The following EXT2 variants were observed in gnomAD, a reference collection of about 807,000 sequenced individuals.
EXT2 encodes exostosin glycosyltransferase 2, also known as exostosin-2.
Under a neutral mutation model 81.6 loss-of-function variants are expected in EXT2, and 53 were observed. The ratio of observed to expected loss-of-function variants is 0.65; its 90% CI spans 0.52 to 0.82. The LOEUF (loss-of-function observed/expected upper bound fraction) is 0.82. Ranked by LOEUF, EXT2 falls within the 40% of genes least tolerant of loss-of-function variation. The pLI, the probability that EXT2 is intolerant of heterozygous loss-of-function variation, is 0.00. For missense variants in EXT2, 774 were observed against 910.2 expected, an observed-to-expected ratio of 0.85 and a Z score of 1.93; for synonymous variants, 320 against 340.0, an observed-to-expected ratio of 0.94 and a Z score of 0.65.
At chr11:44,230,595 G>A (rs191712105) in intron 10 of EXT2, among the ~76,000 whole-genome samples, 1 of 152,154 alleles carries the variant, frequency 6.6e-6, no homozygotes. Context: ...TTGCACAGGG[G>A]GGAAGATGGC....
chr11:44,219,459 A>C (rs1323890841), intron 10 of EXT2, among the ~76,000 whole-genome samples: 1 of 152,112 alleles, frequency 6.6e-6, no homozygotes, highest in African/African-American at 2.4e-5. Context: ...GTGCCACTGC[A>C]CTCCAGCCTG....
chr11:44,249,641 C>T lies in EXT2; in HGVS notation c.*5354C>T, dbSNP rs1956123972. ...GCAAATATATCATTGGCTACTATAC[C>T]CAAGCATCAACTCAAGGAACATTTG... is the stretch of plus-strand genomic sequence containing the variant. On this transcript the variant is annotated 3_prime_UTR_variant, in exon 14 of 14. Transcript: ENST00000533608. Among the ~76,000 whole-genome samples, 1 of 152,160 alleles carries T rather than the reference C, an allele frequency of 6.6e-6. No individual in the cohort carries two copies. The highest frequency in any genetic ancestry group is 6.5e-5 in the Admixed American group (1 of 15,274).
chr11:44,104,989 A>C (rs1954035029), intron 1 of EXT2, among the ~76,000 whole-genome samples: 1 of 152,200 alleles, frequency 6.6e-6, no homozygotes, highest in Non-Finnish European at 1.5e-5. Flanking sequence ...ATGATAGGCA[A>C]ATTCCTTGTT....
chr11:44,163,968 A>G (rs1456287460), intron 7 of EXT2, among the ~76,000 whole-genome samples: 2 of 152,142 alleles, frequency 1.3e-5, no homozygotes, highest in Non-Finnish European at 2.9e-5. Flanking sequence ...TTCTGAGACT[A>G]TAGTTACACT....
At chr11:44,144,426 G>C in intron 7 of EXT2, 2 of 1,127,456 alleles carry the variant, frequency 1.8e-6, no homozygotes, top group Non-Finnish European at 2.6e-6. Context: ...AGTTTTATTG[G>C]TCAGTGGCTC....
chr11:44,134,987 G>A (rs570129202), intron 7 of EXT2, among the ~76,000 whole-genome samples: 9 of 152,342 alleles, frequency 5.9e-5, no homozygotes, highest in Middle Eastern at 3.4e-3. Flanking sequence ...CCATCTCAAT[G>A]TGCCTTCATA....
chr11:44,106,619 AG>A (rs1954058590), intron 1 of EXT2, among the ~76,000 whole-genome samples: 1 of 152,152 alleles, frequency 6.6e-6, no homozygotes, highest in African/African-American at 2.4e-5. Flanking sequence ...TGAATGAATA[AG>A]TGAACGAAAA....
At chr11:44,238,210 T>C (rs1231660353) in intron 13 of EXT2, among the ~76,000 whole-genome samples, 1 of 152,196 alleles carries the variant, frequency 6.6e-6, no homozygotes, top group Non-Finnish European at 1.5e-5. Context: ...TTATTATTAT[T>C]AAGAGAAAGG....
chr11:44,096,993 T>C (rs1953907418), intron 1 of EXT2, among the ~76,000 whole-genome samples: 1 of 152,186 alleles, frequency 6.6e-6, no homozygotes, highest in Non-Finnish European at 1.5e-5. Flanking sequence ...CCTGGTTGCA[T>C]GTGAGGGTAT....
intron 8 of EXT2, among the ~76,000 whole-genome samples, chr11:44,193,375 A>G (rs148297002): frequency 2.8e-3 from 431 of 152,324 alleles, no homozygotes; most frequent in Non-Finnish European, 4.7e-3. Flanking sequence ...ATTGGCTACA[A>G]TTTATTGAAT....
chr11:44,184,018 T>G (rs1323014420), intron 8 of EXT2, among the ~76,000 whole-genome samples: 1 of 152,266 alleles, frequency 6.6e-6, no homozygotes, highest in Non-Finnish European at 1.5e-5. Flanking sequence ...TGAGGTTTTC[T>G]GTGGAAATTC....
intron 7 of EXT2, among the ~76,000 whole-genome samples, chr11:44,149,234 T>C (rs1050276643): frequency 1.3e-5 from 2 of 152,116 alleles, no homozygotes; most frequent in Non-Finnish European, 2.9e-5. Context: ...TGGTGGTGCA[T>C]GCCTGTAGTC....
intron 5 of EXT2, 62 bp from the exon 6 acceptor site, chr11:44,126,754 G>A: frequency 6.2e-7 from 1 of 1,608,586 alleles, no homozygotes; most frequent in Non-Finnish European, 8.5e-7. Flanking sequence ...GGTCTGTAGG[G>A]ATCAAAGTTA....
chr11:44,208,962 GACAA>G (rs761184087), intron 10 of EXT2, among the ~76,000 whole-genome samples: 3 of 152,144 alleles, frequency 2.0e-5, no homozygotes, highest in Admixed American at 6.6e-5. Context: ...TTGACTCTAA[GACAA>G]ACAAATACAT....
chr11:44,247,043 C>T lies in EXT2; in HGVS notation c.*2756C>T, dbSNP rs931414090. Among the ~76,000 whole-genome samples the T allele has an allele frequency of 6.6e-6, 1 of 152,244 alleles. No homozygotes were observed. The highest frequency in any genetic ancestry group is 6.5e-5 in the Admixed American group (1 of 15,284). On this transcript the variant is annotated 3_prime_UTR_variant, in exon 14 of 14. Transcript: ENST00000533608. Reference sequence around the variant, plus strand: ...CAGGGGCCTAACTGGGATGGGCCTGCTTGGAATGCCAGGGCTGGAAATACT... The same window carrying T: ...CAGGGGCCTAACTGGGATGGGCCTGTTTGGAATGCCAGGGCTGGAAATACT...
chr11:44,151,644 T>C lies in EXT2; in HGVS notation c.1174-19967T>C, dbSNP rs113203576. 5.1e-3 allele frequency among the ~76,000 whole-genome samples: 783 copies of C among 152,308 alleles called. 4 individuals carry two copies. The highest frequency in any genetic ancestry group is 7.7e-3 in the Non-Finnish European group (524 of 68,020). ...CTGAAGGGCATCTTGATTCCTTCTA[T>C]GTTTTGTATATGAATAAAGCTGCTG... On this transcript the variant is annotated intron_variant, in intron 7 of 13. Transcript: ENST00000533608.
At chr11:44,162,771 A>C (rs1363105808) in intron 7 of EXT2, among the ~76,000 whole-genome samples, 34 of 152,082 alleles carry the variant, frequency 2.2e-4, no homozygotes. Context: ...TGATAGGTGA[A>C]GATGGTGGGG....
At chr11:44,206,750 AC>A (rs1955587156) in intron 9 of EXT2, 42 bp from the exon 10 acceptor site, 2 of 1,609,740 alleles carry the variant, frequency 1.2e-6, no homozygotes, top group African/African-American at 1.3e-5. Flanking sequence ...TTATCTCCTC[AC>A]AAAAGTTAGG....
chr11:44,188,288 G>A (rs1251595151), intron 8 of EXT2, among the ~76,000 whole-genome samples: 1 of 152,150 alleles, frequency 6.6e-6, no homozygotes, highest in Non-Finnish European at 1.5e-5. Flanking sequence ...TGTGAAGTAA[G>A]GGACAGGGAT....
Sources: allele counts gnomAD v4.1 joint callset (sites outside exome capture counted in the v4.1 genomes callset), GRCh38; gene constraint gnomAD v4.1.1; transcripts MANE v1.5; gene names NCBI Gene and HGNC (gene_info 2026-07-23, HGNC 2026-07-21).